ZNF248: variants seen among roughly 807,000 people sequenced by gnomAD.
ZNF248 encodes zinc finger protein 248, also known as KRAB protein domain.
ZNF248 carries 20 observed loss-of-function variants against 44.3 expected under a neutral mutation model. That is an observed-to-expected ratio of 0.45 (90% CI 0.32 to 0.66). The LOEUF is 0.66. Ranked by LOEUF, ZNF248 falls within the 30% of genes least tolerant of loss-of-function variation. ZNF248 has a pLI of 0.04. For missense variants in ZNF248, 654 were observed against 677.0 expected (o/e 0.97, Z 0.38); for synonymous variants, 224 against 229.0 (o/e 0.98, Z 0.20).
downstream of ZNF248, among the ~76,000 whole-genome samples, chr10:37,773,150 G>A (rs1037790542): frequency 2.6e-5 from 4 of 152,282 alleles, no homozygotes; most frequent in South Asian, 2.1e-4. Context: ...GGAGGCTGAG[G>A]CAGGAGAATC....
At chr10:37,766,968 G>A in the ZNF248 span, among the ~76,000 whole-genome samples, 9 of 152,300 alleles carry the variant, frequency 5.9e-5, no homozygotes, top group Admixed American at 2.0e-4. Context: ...CGAGAACTAC[G>A]TGAAGAATGC....
At chr10:37,817,428 A>G (rs2052676600) in intron 6 of ZNF248, among the ~76,000 whole-genome samples, 1 of 152,154 alleles carries the variant, frequency 6.6e-6, no homozygotes, top group Non-Finnish European at 1.5e-5. Flanking sequence ...TCAGGTATTC[A>G]AATTGTGAAG....
At chr10:37,804,032 T>G (rs2050164813) in intron 6 of ZNF248, 1 of 152,420 alleles carries the variant, frequency 6.6e-6, no homozygotes, top group African/African-American at 2.4e-5. Context: ...ACTAGGTTCC[T>G]GCAGCTGCTG....
chr10:37,815,353 C>A (rs1019358020), intron 6 of ZNF248, among the ~76,000 whole-genome samples: 3 of 151,860 alleles, frequency 2.0e-5, no homozygotes, highest in African/African-American at 7.2e-5. Flanking sequence ...CATAAGCCAC[C>A]GCGCTCAGCT....
downstream of ZNF248, among the ~76,000 whole-genome samples, chr10:37,774,040 T>C (rs905465989): frequency 3.9e-5 from 6 of 152,078 alleles, no homozygotes; most frequent in Non-Finnish European, 8.8e-5. Context: ...CTATCAGTTG[T>C]TTCTCTGGAG....
At chr10:37,809,814 A>C (rs1422610028) in intron 6 of ZNF248, among the ~76,000 whole-genome samples, 4 of 152,098 alleles carry the variant, frequency 2.6e-5, no homozygotes, top group Admixed American at 6.5e-5. Flanking sequence ...TATATTATTT[A>C]AATTATTTCC....
chr10:37,844,949 C>CT (rs2059032520), intron 3 of ZNF248, among the ~76,000 whole-genome samples: 2 of 138,070 alleles, frequency 1.4e-5, no homozygotes, highest in African/African-American at 2.6e-5. Context: ...TCCCCCTTCC[C>CT]TCCCCCCTTC....
chr10:37,762,934 A>G, the ZNF248 span, among the ~76,000 whole-genome samples: 1 of 152,202 alleles, frequency 6.6e-6, no homozygotes, highest in African/African-American at 2.4e-5. Context: ...TTTCATGTAA[A>G]TAATTATTTT....
intron 6 of ZNF248, among the ~76,000 whole-genome samples, chr10:37,785,438 G>T (rs1409065218): frequency 1.3e-5 from 2 of 152,128 alleles, no homozygotes; most frequent in Admixed American, 6.5e-5. Flanking sequence ...AGTTTATTGT[G>T]CAACAAAAAT....
chr10:37,758,912 G>T, the ZNF248 span, among the ~76,000 whole-genome samples: 8 of 152,180 alleles, frequency 5.3e-5, no homozygotes, highest in Non-Finnish European at 1.0e-4. Flanking sequence ...TTATCCCAAT[G>T]CAGAAACACA....
chr10:37,766,908 C>A, the ZNF248 span, among the ~76,000 whole-genome samples: 79 of 152,120 alleles, frequency 5.2e-4, no homozygotes, highest in Admixed American at 3.9e-3. Flanking sequence ...ACTAGAATAA[C>A]CAACACAGAG....
chr10:37,841,096 GA>G (rs1443003012), intron 3 of ZNF248, among the ~76,000 whole-genome samples: 2 of 152,150 alleles, frequency 1.3e-5, no homozygotes, highest in African/African-American at 4.8e-5. Context: ...TGTCATAGAT[GA>G]AAAGGCATAT....
At chr10:37,816,208 A>T (rs1179390295) in intron 6 of ZNF248, among the ~76,000 whole-genome samples, 1 of 152,196 alleles carries the variant, frequency 6.6e-6, no homozygotes, top group Non-Finnish European at 1.5e-5. Context: ...GCATCTCTCC[A>T]GTGAATAAGG....
At chr10:37,818,202 C>A (rs1165628416) in intron 6 of ZNF248, among the ~76,000 whole-genome samples, 1 of 152,214 alleles carries the variant, frequency 6.6e-6, no homozygotes, top group Non-Finnish European at 1.5e-5. Context: ...AGGCATGAGC[C>A]ACTGTGCCCG....
At chr10:37,808,239 T>A (rs2050892150) in intron 6 of ZNF248, among the ~76,000 whole-genome samples, 1 of 151,996 alleles carries the variant, frequency 6.6e-6, no homozygotes, top group South Asian at 2.1e-4. Flanking sequence ...ATAATCTTTT[T>A]TTCTTATTCC....
rs1398711726 is a variant in ZNF248 at position 37,830,163 on chromosome 10, C to T, written c.*1452G>A. The T allele has an allele frequency of 2.0e-6, 2 of 985,268 alleles. No homozygotes were observed. Among genetic ancestry groups the T allele is most frequent in the African/African-American group, 3.5e-5 (2 of 57,236 alleles). 61.0% of individuals were successfully genotyped at this position (985,268 alleles called of 1,614,324 possible). A position where few individuals can be genotyped will look rare whatever the true frequency, so the allele number is the denominator to read the frequency against. On this transcript the variant is annotated 3_prime_UTR_variant, in exon 6 of 6. Coordinates refer to ENST00000395867, the MANE Select transcript of ZNF248 (RefSeq NM_021045.3). ...AAAAGGGCCTTTCATTACATACCGC[C>T]ACTTTTTGAGGAGTGCAGTGTTACT... is the stretch of plus-strand genomic sequence containing the variant.
chr10:37,850,090 C>A (rs371982638), intron 3 of ZNF248, among the ~76,000 whole-genome samples: 1 of 152,036 alleles, frequency 6.6e-6, no homozygotes, highest in Non-Finnish European at 1.5e-5. Flanking sequence ...AAATGGCTAA[C>A]AAAGCACCTC....
chr10:37,762,326 C>T, the ZNF248 span, among the ~76,000 whole-genome samples: 4 of 152,170 alleles, frequency 2.6e-5, no homozygotes, highest in Admixed American at 2.6e-4. Flanking sequence ...CTTACTAGAA[C>T]CCCATGAGGG....
the ZNF248 span, among the ~76,000 whole-genome samples, chr10:37,764,851 AC>A: frequency 1.3e-5 from 2 of 152,238 alleles, no homozygotes; most frequent in Non-Finnish European, 2.9e-5. Flanking sequence ...CAGTAAAAAT[AC>A]CCAGTTAATT....
Sources: allele counts gnomAD v4.1 joint callset (sites outside exome capture counted in the v4.1 genomes callset), GRCh38; gene constraint gnomAD v4.1.1; transcripts MANE v1.5; gene names NCBI Gene and HGNC (gene_info 2026-07-23, HGNC 2026-07-21).